Variants in SLC12A6 observed in about 807,000 individuals in gnomAD.
The protein encoded by SLC12A6 is solute carrier family 12 member 6, also known as K-Cl cotransporter 3.
A neutral mutation model predicts 135.3 loss-of-function variants in SLC12A6; 66 were observed. The observed-to-expected ratio is 0.49, with a 90% CI of 0.40 to 0.60. The LOEUF is 0.60. Ranked by LOEUF, SLC12A6 falls within the 20% of genes least tolerant of loss-of-function variation. The pLI is 0.00. For missense variants in SLC12A6, 1,058 were observed against 1,452.3 expected (o/e 0.73, Z 4.41); for synonymous variants, 513 against 508.8 (o/e 1.01, Z -0.11).
At chr15:34,270,892 G>A (rs996910453) in intron 3 of SLC12A6, among the ~76,000 whole-genome samples, 2 of 151,986 alleles carry the variant, frequency 1.3e-5, no homozygotes. Flanking sequence ...AGCATGGCTA[G>A]GGAAGCCTCA....
At chr15:34,238,193 G>C (rs989810934) in intron 21 of SLC12A6, 39 bp downstream of exon 21, 2 of 1,431,816 alleles carry the variant, frequency 1.4e-6, no homozygotes, top group Non-Finnish European at 2.0e-6. Context: ...AGGACAGAAG[G>C]GAGAAAGACT....
At chr15:34,308,338 T>C (rs1178168304) in intron 2 of SLC12A6, among the ~76,000 whole-genome samples, 1 of 152,034 alleles carries the variant, frequency 6.6e-6, no homozygotes, top group Non-Finnish European at 1.5e-5. Flanking sequence ...GACTGTTGGA[T>C]TAAGGGTTGG....
intron 2 of SLC12A6, among the ~76,000 whole-genome samples, chr15:34,303,321 T>TTA (rs1896385607): frequency 6.6e-6 from 1 of 152,218 alleles, no homozygotes; most frequent in Non-Finnish European, 1.5e-5. Flanking sequence ...GAAACTATTA[T>TTA]TATATATACT....
chr15:34,323,720 G>A (rs1448710732), intron 2 of SLC12A6, among the ~76,000 whole-genome samples: 3 of 152,160 alleles, frequency 2.0e-5, no homozygotes, highest in Non-Finnish European at 2.9e-5. Flanking sequence ...GGGGGCCAAA[G>A]TGGAAGGACT....
chr15:34,325,691 G>T (rs533634724), intron 2 of SLC12A6, among the ~76,000 whole-genome samples: 36 of 152,094 alleles, frequency 2.4e-4, no homozygotes, highest in African/African-American at 8.7e-4. Flanking sequence ...AGTAAGAAAG[G>T]CAAAGAGTTC....
At chr15:34,300,496 A>T (rs1896167574) in intron 2 of SLC12A6, among the ~76,000 whole-genome samples, 1 of 152,096 alleles carries the variant, frequency 6.6e-6, no homozygotes, top group Non-Finnish European at 1.5e-5. Context: ...AGCTGCCAGG[A>T]TTAAGAATGA....
At chr15:34,322,617 T>C (rs1889174577) in intron 2 of SLC12A6, among the ~76,000 whole-genome samples, 1 of 152,098 alleles carries the variant, frequency 6.6e-6, no homozygotes, top group African/African-American at 2.4e-5. Flanking sequence ...ATGTTAATGA[T>C]AGTATCTAGG....
chr15:34,317,336 G>A (rs1013265838), intron 2 of SLC12A6, among the ~76,000 whole-genome samples: 8 of 152,156 alleles, frequency 5.3e-5, no homozygotes, highest in African/African-American at 1.9e-4. Context: ...ATAACCAACC[G>A]CTATTGACAC....
chr15:34,332,232 CG>C (rs1889896550), intron 2 of SLC12A6, among the ~76,000 whole-genome samples: 1 of 152,120 alleles, frequency 6.6e-6, no homozygotes, highest in African/African-American at 2.4e-5. Context: ...AACAGATTAA[CG>C]GATGCTTTTT....
intron 2 of SLC12A6, among the ~76,000 whole-genome samples, chr15:34,283,851 T>C (rs1894852316): frequency 6.6e-6 from 1 of 151,948 alleles, no homozygotes; most frequent in Admixed American, 6.6e-5. Flanking sequence ...CAGGCTCAAG[T>C]GATCTTCCCG....
intron 3 of SLC12A6, among the ~76,000 whole-genome samples, chr15:34,269,795 T>C (rs1893788152): frequency 6.6e-6 from 1 of 151,742 alleles, no homozygotes; most frequent in African/African-American, 2.4e-5. Context: ...TCTAGGAGGG[T>C]AGGGAGGAAA....
At chr15:34,236,400 C>T (rs1368331147) in intron 23 of SLC12A6, among the ~76,000 whole-genome samples, 1 of 151,988 alleles carries the variant, frequency 6.6e-6, no homozygotes, top group East Asian at 1.9e-4. Context: ...GGCTGGAGTG[C>T]AGTGGCGTGA....
chr15:34,311,703 G>C (rs1440140207), intron 2 of SLC12A6, among the ~76,000 whole-genome samples: 3 of 152,164 alleles, frequency 2.0e-5, no homozygotes, highest in African/African-American at 7.2e-5. Flanking sequence ...CCACAGAGTG[G>C]AGAAAGGATG....
intron 4 of SLC12A6, 114 bp from the exon 5 acceptor site, chr15:34,259,058 G>T: frequency 1.1e-6 from 1 of 885,080 alleles, no homozygotes; most frequent in Non-Finnish European, 1.8e-6. Flanking sequence ...TTCACAGGTA[G>T]GCCGGGTGCA....
At chr15:34,279,195 A>T (rs1273055250) in intron 2 of SLC12A6, among the ~76,000 whole-genome samples, 1 of 151,922 alleles carries the variant, frequency 6.6e-6, no homozygotes, top group Non-Finnish European at 1.5e-5. Context: ...CGCCCCTGTA[A>T]TCCCAGATAC....
intron 2 of SLC12A6, among the ~76,000 whole-genome samples, chr15:34,282,675 C>A (rs1894765785): frequency 6.6e-6 from 1 of 152,124 alleles, no homozygotes; most frequent in East Asian, 1.9e-4. Context: ...ATACTAGAGC[C>A]CAGAAGTTCA....
intron 2 of SLC12A6, among the ~76,000 whole-genome samples, chr15:34,336,042 C>T (rs1890173243): frequency 6.6e-6 from 1 of 152,234 alleles, no homozygotes; most frequent in Admixed American, 6.5e-5. Context: ...ATGATGGCTA[C>T]AGAACACATA....
intron 13 of SLC12A6, 121 bp downstream of exon 13, chr15:34,250,177 T>C: frequency 2.6e-6 from 2 of 771,318 alleles, no homozygotes; most frequent in South Asian, 2.7e-5. Context: ...AGTGCCGGGA[T>C]TACAGGCATG....
intron 3 of SLC12A6, among the ~76,000 whole-genome samples, chr15:34,274,128 C>T (rs1479278987): frequency 6.6e-6 from 1 of 152,114 alleles, no homozygotes; most frequent in Non-Finnish European, 1.5e-5. Flanking sequence ...GAGTAGGAAA[C>T]TGGCTGAATA....
Sources: gnomAD v4.1 joint callset for allele counts (sites outside exome capture counted in the v4.1 genomes callset) on GRCh38, gnomAD v4.1.1 for gene constraint, MANE v1.5 for transcripts, NCBI Gene and HGNC (gene_info 2026-07-23, HGNC 2026-07-21) for gene names.